DIAPH2: variants seen among roughly 807,000 people sequenced by gnomAD.
The protein encoded by DIAPH2 is diaphanous related formin 2.
Under a neutral mutation model 92.7 loss-of-function variants are expected in DIAPH2, and 35 were observed. That is an observed-to-expected ratio of 0.38 (90% CI 0.29 to 0.50). DIAPH2 has a LOEUF of 0.50. DIAPH2 is among the 20% of genes least tolerant of loss of function. The pLI is 0.94. For synonymous variants in DIAPH2, 301 were observed against 280.4 expected (o/e 1.07, Z -0.73); for missense variants, 701 against 819.5 (o/e 0.86, Z 1.77).
intron 1 of DIAPH2, among the ~76,000 whole-genome samples, chrX:96,735,002 G>A (rs2147565587): frequency 9.0e-6 from 1 of 110,662 alleles, no homozygotes; most frequent in African/African-American, 3.3e-5. Flanking sequence ...CCCCTAATTG[G>A]CACTTCAACA....
chrX:96,810,557 CA>C (rs2064670145), intron 4 of DIAPH2, among the ~76,000 whole-genome samples: 1 of 111,500 alleles, frequency 9.0e-6, no homozygotes, highest in Non-Finnish European at 1.9e-5. Flanking sequence ...CTTTTGTTGC[CA>C]TTGCTTTTGG....
intron 4 of DIAPH2, among the ~76,000 whole-genome samples, chrX:96,829,891 C>CT (rs200939539): frequency 0.1 from 10,369 of 99,537 alleles, 510 homozygotes; most frequent in East Asian, 0.33. Flanking sequence ...TTTTCTTTTT[C>CT]TTTTTTTTTT....
At chrX:97,555,521 C>T in intron 26 of DIAPH2, 1 of 567,753 alleles carries the variant, frequency 1.8e-6, no homozygotes, top group Non-Finnish European at 2.1e-6. Context: ...ACATGATGGA[C>T]TGTAGTTGTA....
At chrX:96,832,255 A>G (rs2064859835) in intron 4 of DIAPH2, among the ~76,000 whole-genome samples, 1 of 111,494 alleles carries the variant, frequency 9.0e-6, no homozygotes, top group Middle Eastern at 4.7e-3. Flanking sequence ...ACTATTTGAT[A>G]TATTTTTCAA....
intron 24 of DIAPH2, among the ~76,000 whole-genome samples, chrX:97,374,808 C>T (rs964122646): frequency 1.8e-5 from 2 of 111,741 alleles, no homozygotes; most frequent in African/African-American, 6.5e-5. Flanking sequence ...AATTTGTCTT[C>T]AGTTGCAGCT....
intron 17 of DIAPH2, among the ~76,000 whole-genome samples, chrX:96,973,011 G>A (rs762102103): frequency 2.7e-5 from 3 of 110,724 alleles, no homozygotes; most frequent in East Asian, 2.8e-4. Context: ...TCATTTGGGC[G>A]TGGTGTGATG....
intron 5 of DIAPH2, among the ~76,000 whole-genome samples, chrX:96,909,819 A>G (rs2065458218): frequency 9.0e-6 from 1 of 111,233 alleles, no homozygotes; most frequent in Admixed American, 9.6e-5. Flanking sequence ...AAACTGCATC[A>G]TTTGAAACAG....
chrX:97,353,368 G>C (rs1055303103), intron 24 of DIAPH2, among the ~76,000 whole-genome samples: 4 of 110,725 alleles, frequency 3.6e-5, no homozygotes, highest in Non-Finnish European at 5.7e-5. Flanking sequence ...TTCAGCTGTT[G>C]GGAAAGTGTT....
intron 17 of DIAPH2, among the ~76,000 whole-genome samples, chrX:97,053,014 G>T (rs1219579670): frequency 9.0e-6 from 1 of 111,396 alleles, no homozygotes; most frequent in Non-Finnish European, 1.9e-5. Flanking sequence ...CAGCACCAAG[G>T]TTTGTTATGG....
Position 97,092,737 on chromosome X carries a change from G to C in DIAPH2, c.2248-6957G>C, listed in dbSNP as rs756646127. Among the ~76,000 whole-genome samples the C allele has an allele frequency of 5.4e-5, 6 of 111,817 alleles. No individual in the cohort carries two copies. The South Asian group carries it at 2.3e-3, about 42-fold the overall frequency. ...GTCTTGAATATGAGGATAGAATTCA[G>C]CTTTGGAAGCATCTGCATGTACTAT... On this transcript the variant is annotated intron_variant, in intron 19 of 26. Coordinates refer to ENST00000324765, the MANE Select transcript of DIAPH2 (RefSeq NM_006729.5).
chrX:97,364,759 G>GTTTTTTTTTT (rs11286549), intron 24 of DIAPH2, among the ~76,000 whole-genome samples: 5 of 56,564 alleles, frequency 8.8e-5, no homozygotes, highest in Admixed American at 2.2e-4. Flanking sequence ...GTCTCCTGGT[G>GTTTTTTTTTT]TTTTTTTTTT....
At chrX:97,156,368 T>C (rs2067323060) in intron 22 of DIAPH2, among the ~76,000 whole-genome samples, 1 of 112,294 alleles carries the variant, frequency 8.9e-6, no homozygotes, top group Non-Finnish European at 1.9e-5. Flanking sequence ...GGTTATAGAA[T>C]TCTCCGTATT....
At chrX:96,803,996 G>A (rs923005297) in intron 4 of DIAPH2, among the ~76,000 whole-genome samples, 5 of 111,612 alleles carry the variant, frequency 4.5e-5, no homozygotes, top group Non-Finnish European at 7.5e-5. Context: ...CCGAGATTGC[G>A]CCACTGCACT....
At chrX:97,207,940 T>C (rs1229475699) in intron 22 of DIAPH2, among the ~76,000 whole-genome samples, 1 of 111,034 alleles carries the variant, frequency 9.0e-6, no homozygotes, top group Non-Finnish European at 1.9e-5. Context: ...GATCACGAGG[T>C]CAGGAGTTCG....
Position 96,863,181 on chromosome X carries a change from T to C in DIAPH2, c.448-18398T>C, listed in dbSNP as rs1384384608. Among the ~76,000 whole-genome samples the C allele has an allele frequency of 7.3e-5, 8 of 109,421 alleles. No homozygotes were observed. The Admixed American group carries it at 7.9e-4, about 11-fold the overall frequency. On this transcript the variant is annotated intron_variant, in intron 4 of 26. Transcript: ENST00000324765. ...TGAAAAGGTGCAAATCTTTCCTAGT[T>C]GAAGTAGGAGAGGCTGTACCTGCTT...
At chrX:97,439,289 C>T (rs759753339) in intron 26 of DIAPH2, among the ~76,000 whole-genome samples, 3 of 111,107 alleles carry the variant, frequency 2.7e-5, no homozygotes. Context: ...GAAAATTAGC[C>T]AGGGGTGGGG....
rs764145220 is a variant in DIAPH2 at position 96,884,943 on chromosome X, G to C, written c.587+3225G>C. On this transcript the variant is annotated intron_variant, in intron 5 of 26. Transcript: ENST00000324765. ...ACGAAGTGCTGCGTTTGATTCATGA[G>C]TGTCCTCATCAGGAAGGGAAGAGCA... is the stretch of plus-strand genomic sequence containing the variant. 3.3e-6 allele frequency: 4 copies of C among 1,211,356 alleles called. No homozygotes were observed. The East Asian group carries it at 8.9e-5, about 27-fold the overall frequency.
chrX:97,147,320 T>G (rs2067254438), intron 22 of DIAPH2, among the ~76,000 whole-genome samples: 1 of 110,894 alleles, frequency 9.0e-6, no homozygotes, highest in Non-Finnish European at 1.9e-5. Context: ...CATTGAATTT[T>G]TTTTTTCTTT....
At chrX:97,504,546 G>A (rs1299458441) in intron 26 of DIAPH2, among the ~76,000 whole-genome samples, 1 of 112,088 alleles carries the variant, frequency 8.9e-6, no homozygotes, top group East Asian at 2.8e-4. Flanking sequence ...TTTCATGTAA[G>A]TCAGCTGCCA....
Sources: allele counts gnomAD v4.1 joint callset (sites outside exome capture counted in the v4.1 genomes callset), GRCh38; gene constraint gnomAD v4.1.1; transcripts MANE v1.5; gene names NCBI Gene and HGNC (gene_info 2026-07-23, HGNC 2026-07-21).